Variants in LRFN2 observed in about 807,000 individuals in gnomAD.
LRFN2 encodes the protein leucine-rich repeat and fibronectin type-III domain-containing protein 2.
LRFN2 carries 18 observed loss-of-function variants against 37.3 expected under a neutral mutation model. The observed-to-expected ratio is 0.48, with a 90% confidence interval of 0.33 to 0.72. LRFN2 has a LOEUF of 0.72. Among genes scored for constraint, LRFN2 ranks in the 30% least tolerant of loss-of-function variants. LRFN2 has a pLI of 0.02. For synonymous variants in LRFN2, 556 were observed against 466.6 expected (o/e 1.19, Z -2.47); for missense variants, 1,006 against 1,060.7 (o/e 0.95, Z 0.72).
At chr6:40,396,346 T>C (rs3004072) in intron 2 of LRFN2, among the ~76,000 whole-genome samples, 147,912 of 152,282 alleles carry the variant, frequency 0.97, 71,975 homozygotes, top group East Asian at 1. Flanking sequence ...GACCCCTGGG[T>C]CATGCTGCCT....
rs192397017 is a variant in LRFN2, at chr6:40,544,942, C to T, written c.-19+41999G>A. ...TAGGATAATGGCAACTGAACAAGTG[C>T]TGCCAATGAGGGGAGTGTTGGGTAG... On this transcript the variant is annotated intron_variant, in intron 1 of 2. Transcript: ENST00000338305. 7.9e-4 allele frequency among the ~76,000 whole-genome samples: 121 copies of T among 152,296 alleles called. 2 individuals are homozygous for T. The highest frequency in any genetic ancestry group is 2.6e-3 in the African/African-American group (110 of 41,558).
chr6:40,463,820 G>T (rs1764400190), intron 1 of LRFN2, among the ~76,000 whole-genome samples: 1 of 151,800 alleles, frequency 6.6e-6, no homozygotes, highest in Admixed American at 6.6e-5. Flanking sequence ...GAGACTACAG[G>T]CATGCACCAC....
At chr6:40,477,617 G>A (rs1764737593) in intron 1 of LRFN2, among the ~76,000 whole-genome samples, 1 of 152,190 alleles carries the variant, frequency 6.6e-6, no homozygotes, top group Non-Finnish European at 1.5e-5. Context: ...TTCCCAGCAG[G>A]CGCTGCAGGA....
rs150731728 is a variant in LRFN2 at position 40,495,186 on chromosome 6, C to G, written c.-18-62055G>C. Among the ~76,000 whole-genome samples the G allele has an allele frequency of 3.3e-5, 5 of 152,286 alleles. No homozygotes were observed. In the East Asian group the frequency reaches 9.7e-4, roughly 29 times the overall value. ...CAAATAATCATTTTCCCTGCCTGGT[C>G]CTCCTCACCAGACAACAGCTTTGAT... On this transcript the variant is annotated intron_variant, in intron 1 of 2. Coordinates refer to ENST00000338305, the MANE Select transcript of LRFN2 (RefSeq NM_020737.3).
chr6:40,420,516 G>A (rs2113813629), intron 2 of LRFN2, among the ~76,000 whole-genome samples: 1 of 152,364 alleles, frequency 6.6e-6, no homozygotes, highest in South Asian at 2.1e-4. Context: ...ACTGGCTACT[G>A]GTTGCTGGGA....
intron 1 of LRFN2, among the ~76,000 whole-genome samples, chr6:40,529,855 C>T (rs1333055628): frequency 6.6e-6 from 1 of 152,206 alleles, no homozygotes; most frequent in Non-Finnish European, 1.5e-5. Context: ...TAGTGCCTGG[C>T]ACACTGTAAG....
Position 40,433,007 on chromosome 6 carries a change from G to A in LRFN2, c.107C>T (p.Thr36Ile), listed in dbSNP as rs767926221. The change falls in exon 2 of 3, where the codon ACC (threonine) becomes ATC (isoleucine). Residue 36 changes from threonine to isoleucine, a missense_variant. Transcript: ENST00000338305. ...GAGCAGCCCCTTGGAGGGGCACAGG[G>A]TCCCCAGTGACTCAGACAGATTCTG... is the stretch of plus-strand genomic sequence containing the variant. ...VCQNLSESLG[T>I]LCPSKGLLFV... 21 of 1,608,038 alleles carry A rather than the reference G, an allele frequency of 1.3e-5. No homozygotes were observed. The highest frequency in any genetic ancestry group is 6.7e-5 in the East Asian group (3 of 44,828).
intron 1 of LRFN2, among the ~76,000 whole-genome samples, chr6:40,544,634 G>A (rs1343969540): frequency 6.6e-6 from 1 of 152,212 alleles, no homozygotes; most frequent in Non-Finnish European, 1.5e-5. Flanking sequence ...TAACAGAAGA[G>A]AAGGAAGGAA....
chr6:40,396,608 A>G (rs1225074612), intron 2 of LRFN2, among the ~76,000 whole-genome samples: 4 of 152,096 alleles, frequency 2.6e-5, no homozygotes, highest in African/African-American at 7.2e-5. Context: ...TAATTGGCCC[A>G]TCAGAAACAA....
chr6:40,406,195 C>T (rs566809507), intron 2 of LRFN2, among the ~76,000 whole-genome samples: 6 of 152,294 alleles, frequency 3.9e-5, no homozygotes, highest in Non-Finnish European at 7.4e-5. Flanking sequence ...GATACAGCCC[C>T]GTCGCAGGGT....
intron 1 of LRFN2, among the ~76,000 whole-genome samples, chr6:40,477,583 T>C (rs58738867): frequency 0.15 from 23,007 of 152,140 alleles, 3,568 homozygotes; most frequent in African/African-American, 0.39. Flanking sequence ...GCTGAGTGCA[T>C]GTTTTCCCAG....
intron 1 of LRFN2, among the ~76,000 whole-genome samples, chr6:40,444,440 G>A (rs188377105): frequency 7.2e-5 from 11 of 152,292 alleles, no homozygotes; most frequent in East Asian, 3.9e-4. Context: ...GATAAAAGCC[G>A]CTGTTGCCAC....
Position 40,545,817 on chromosome 6 carries a change from A to C in LRFN2, c.-19+41124T>G, listed in dbSNP as rs146111253. 1.7e-4 allele frequency among the ~76,000 whole-genome samples: 26 copies of C among 152,270 alleles called. No individual in the cohort carries two copies. The East Asian group carries it at 4.8e-3, about 28-fold the overall frequency. Reference sequence around the variant, plus strand: ...GAAAAGGTCAACCACGGCCCCTCTAAAGAAGGCTGCCAACATCCTTTGGCC... The same window carrying C: ...GAAAAGGTCAACCACGGCCCCTCTACAGAAGGCTGCCAACATCCTTTGGCC... On this transcript the variant is annotated intron_variant, in intron 1 of 2. Transcript: ENST00000338305.
intron 1 of LRFN2, among the ~76,000 whole-genome samples, chr6:40,483,724 A>C (rs1396670121): frequency 6.6e-6 from 1 of 152,190 alleles, no homozygotes; most frequent in Non-Finnish European, 1.5e-5. Context: ...AGAAGGGGGA[A>C]GGAAGATTAC....
chr6:40,551,220 T>A lies in LRFN2; in HGVS notation c.-19+35721A>T, dbSNP rs796169328. On this transcript the variant is annotated intron_variant, in intron 1 of 2. Transcript: ENST00000338305. ...CTTAGGGGCAGGGATTTACAGAAGG[T>A]CCACTGCATTCCGGGCACTATTCTG... Among the ~76,000 whole-genome samples, 4 of 152,082 alleles carry A rather than the reference T, an allele frequency of 2.6e-5. No individual in the cohort carries two copies. The East Asian group carries it at 7.7e-4, about 29-fold the overall frequency.
At chr6:40,516,885 G>C (rs1765894005) in intron 1 of LRFN2, among the ~76,000 whole-genome samples, 1 of 152,164 alleles carries the variant, frequency 6.6e-6, no homozygotes, top group Non-Finnish European at 1.5e-5. Flanking sequence ...CCCAAGGCCA[G>C]GAAGGTCTCA....
chr6:40,471,877 G>T (rs1764604091), intron 1 of LRFN2, among the ~76,000 whole-genome samples: 1 of 152,138 alleles, frequency 6.6e-6, no homozygotes, highest in Admixed American at 6.5e-5. Flanking sequence ...ACACTGCAAA[G>T]CAAGCCCCTT....
chr6:40,528,467 G>T (rs1326753996), intron 1 of LRFN2, among the ~76,000 whole-genome samples: 1 of 152,184 alleles, frequency 6.6e-6, no homozygotes, highest in East Asian at 1.9e-4. Context: ...CCTCTGGCCT[G>T]CCCTGCCACG....
chr6:40,576,309 TTGGAGAGAGACAAGACAGA>T (rs146592731), intron 1 of LRFN2, among the ~76,000 whole-genome samples: 9,106 of 152,090 alleles, frequency 0.06, 315 homozygotes, highest in African/African-American at 0.066. Flanking sequence ...AAAAACTGAA[TTGGAGAGAGACAAGACAGA>T]TGGAGAGAGA....
Sources: allele counts gnomAD v4.1 joint callset (sites outside exome capture counted in the v4.1 genomes callset), GRCh38; gene constraint gnomAD v4.1.1; transcripts MANE v1.5; gene names NCBI Gene and HGNC (gene_info 2026-07-23, HGNC 2026-07-21).